SATL1: variants seen among roughly 807,000 people sequenced by gnomAD.
The protein encoded by SATL1 is spermidine/spermine N1-acetyl transferase like 1, also known as spermidine/spermine N(1)-acetyltransferase-like protein 1.
SATL1 carries 47 observed loss-of-function variants against 51.8 expected under a neutral mutation model. The observed-to-expected ratio is 0.91, with a 90% CI of 0.72 to 1.16. The LOEUF (loss-of-function observed/expected upper bound fraction) is 1.16, where lower values mean the gene tolerates loss of function less well. SATL1 is among the 50% of genes most tolerant of loss of function. SATL1 has a pLI of 0.00. For synonymous variants in SATL1, 176 were observed against 182.4 expected (o/e 0.97, Z 0.28); for missense variants, 520 against 526.4 (o/e 0.99, Z 0.12).
At chrX:85,220,247 T>C (rs1456935041) in intron 2 of SATL1, among the ~76,000 whole-genome samples, 1 of 110,453 alleles carries the variant, frequency 9.1e-6, no homozygotes, top group Non-Finnish European at 1.9e-5. Flanking sequence ...TCCCAATGGG[T>C]GGAACTTGAG....
chrX:85,110,989 G>A lies in SATL1; in HGVS notation c.-312-1709C>T, dbSNP rs746906437. On this transcript the variant is annotated intron_variant, in intron 2 of 7. Transcript: ENST00000644105. ...CAGATTGAGAGAGGTTAAGTAACTT[G>A]ACATAGGTCACACAGCTAAAAGTCC... Among the ~76,000 whole-genome samples, 795 of 112,852 alleles carry A rather than the reference G, an allele frequency of 7.0e-3. 3 individuals carry two copies. The highest frequency in any genetic ancestry group is 0.01 in the South Asian group (28 of 2,750).
chrX:85,124,052 C>A (rs1356660541), intron 2 of SATL1, among the ~76,000 whole-genome samples: 1 of 111,427 alleles, frequency 9.0e-6, no homozygotes, highest in Non-Finnish European at 1.9e-5. Flanking sequence ...TTTAAAAAGT[C>A]AAGGACTGTG....
chrX:85,134,181 GTA>G (rs1173891303), intron 2 of SATL1, among the ~76,000 whole-genome samples: 1 of 109,781 alleles, frequency 9.1e-6, no homozygotes, highest in Non-Finnish European at 1.9e-5. Flanking sequence ...GTGTGTGTGT[GTA>G]TAGTGTGTGT....
chrX:85,207,033 C>A, intron 2 of SATL1, among the ~76,000 whole-genome samples: 1 of 111,538 alleles, frequency 9.0e-6, no homozygotes, highest in East Asian at 2.8e-4. Context: ...GTGAGGTTAT[C>A]TGGGAATAAA....
intron 2 of SATL1, among the ~76,000 whole-genome samples, chrX:85,217,741 A>G (rs1201568015): frequency 9.0e-6 from 1 of 111,392 alleles, no homozygotes; most frequent in Non-Finnish European, 1.9e-5. Flanking sequence ...TGATCTCTCT[A>G]TAGATATTTG....
At chrX:85,228,356 C>T (rs905361700) in intron 1 of SATL1, among the ~76,000 whole-genome samples, 3 of 110,804 alleles carry the variant, frequency 2.7e-5, no homozygotes, top group Non-Finnish European at 5.7e-5. Flanking sequence ...ATTAATTTCC[C>T]CTTCTCTACT....
chrX:85,137,352 C>T (rs1175369329), intron 2 of SATL1, among the ~76,000 whole-genome samples: 1 of 111,193 alleles, frequency 9.0e-6, no homozygotes, highest in Non-Finnish European at 1.9e-5. Flanking sequence ...TAAAGTGATG[C>T]TAGGGGGCAA....
At chrX:85,187,227 T>C (rs2034785667) in intron 2 of SATL1, among the ~76,000 whole-genome samples, 1 of 111,913 alleles carries the variant, frequency 8.9e-6, no homozygotes, top group Admixed American at 9.5e-5. Flanking sequence ...ATTCTAACAT[T>C]TTTTGGTGTA....
intron 2 of SATL1, among the ~76,000 whole-genome samples, chrX:85,129,105 G>A (rs1315190734): frequency 1.8e-5 from 2 of 111,694 alleles, no homozygotes; most frequent in African/African-American, 6.5e-5. Flanking sequence ...TGCTCTTTTG[G>A]CTTAGGATTC....
chrX:85,147,480 G>C (rs1378284946), intron 2 of SATL1, among the ~76,000 whole-genome samples: 3 of 114,338 alleles, frequency 2.6e-5, no homozygotes, highest in Non-Finnish European at 5.6e-5. Context: ...GGTTCTCCCA[G>C]CATGCAGCTG....
At chrX:85,102,853 T>A (rs1303365740) in intron 4 of SATL1, among the ~76,000 whole-genome samples, 1 of 110,881 alleles carries the variant, frequency 9.0e-6, no homozygotes, top group African/African-American at 3.3e-5. Context: ...ATCCCTAATC[T>A]GAAATCTGAA....
rs762791020 is a variant in SATL1, at chrX:85,133,278, G to A, written c.-312-23998C>T. Among the ~76,000 whole-genome samples the A allele has an allele frequency of 3.6e-5, 4 of 112,208 alleles. No homozygotes were observed. The South Asian group carries it at 1.5e-3, about 42-fold the overall frequency. On this transcript the variant is annotated intron_variant, in intron 2 of 7. Transcript: ENST00000644105. ...GCCTCCAGAGGTGGGGTCTACAGAG[G>A]CAGGTGGGCCTCGTTGAGCTGCGGT... is the stretch of plus-strand genomic sequence containing the variant.
At chrX:85,237,053 A>G (rs1243081535) in intron 1 of SATL1, among the ~76,000 whole-genome samples, 1 of 111,425 alleles carries the variant, frequency 9.0e-6, no homozygotes, top group Non-Finnish European at 1.9e-5. Flanking sequence ...TAAAATATCC[A>G]CACATAAAAT....
chrX:85,153,082 T>C (rs1287607725), intron 2 of SATL1, among the ~76,000 whole-genome samples: 2 of 111,042 alleles, frequency 1.8e-5, no homozygotes, highest in Non-Finnish European at 3.8e-5. Flanking sequence ...TTCATATTAT[T>C]TGGCAGGGTC....
intron 2 of SATL1, among the ~76,000 whole-genome samples, chrX:85,214,251 G>A (rs941223834): frequency 9.0e-5 from 10 of 111,509 alleles, no homozygotes; most frequent in African/African-American, 3.3e-4. Flanking sequence ...TCCACTCATG[G>A]TAGAAGGCAA....
At chrX:85,150,614 A>G (rs1337774534) in intron 2 of SATL1, among the ~76,000 whole-genome samples, 2 of 111,755 alleles carry the variant, frequency 1.8e-5, no homozygotes, top group Non-Finnish European at 3.8e-5. Context: ...AAGCTTATCC[A>G]CCATGATCAA....
rs151117430 is a variant in SATL1, at chrX:85,107,644, C to T, written c.1325G>A (p.Trp442Ter). The T allele has an allele frequency of 1.4e-3, 1,752 of 1,210,757 alleles. 12 individuals carry two copies. In the African/African-American group the frequency reaches 0.023, roughly 16 times the overall value. ...SPPGMWQRGMWQPGMSQQVPS... is the reference protein window; with the variant it reads ...SPPGMWQRGM ...GACTTGCTGGCTCATGCCTGGTTGC[C>T]ACATGCCTCGTTGCCACATGCCTGG... Residue 442 changes from tryptophan to a stop codon, truncating the protein, a stop_gained, in exon 3 of 8, where the codon TGG becomes TAG. Coordinates refer to ENST00000644105, the MANE Select transcript of SATL1 (RefSeq NM_001367857.2). LOFTEE classifies it high-confidence loss of function.
At chrX:85,094,387 A>C (rs1924628939) in intron 5 of SATL1, among the ~76,000 whole-genome samples, 158 bp from the exon 6 acceptor site, 1 of 111,997 alleles carries the variant, frequency 8.9e-6, no homozygotes, top group African/African-American at 3.2e-5. Context: ...TAGAGGACTT[A>C]AGTCCCTTAA....
intron 2 of SATL1, among the ~76,000 whole-genome samples, chrX:85,203,626 T>C (rs767727659): frequency 1.8e-5 from 2 of 110,221 alleles, no homozygotes; most frequent in Non-Finnish European, 3.8e-5. Flanking sequence ...ACCAGGTACC[T>C]GCTTAAAGCA....
Sources: allele counts gnomAD v4.1 joint callset (sites outside exome capture counted in the v4.1 genomes callset), GRCh38; gene constraint gnomAD v4.1.1; transcripts MANE v1.5; gene names NCBI Gene and HGNC (gene_info 2026-07-23, HGNC 2026-07-21).